RNGTT: variants seen among roughly 807,000 people sequenced by gnomAD.
RNGTT encodes RNA guanylyltransferase and 5'-phosphatase.
Under a neutral mutation model 79.3 loss-of-function variants are expected in RNGTT, and 33 were observed. The ratio of observed to expected loss-of-function variants is 0.42; its 90% CI spans 0.32 to 0.56. The LOEUF (loss-of-function observed/expected upper bound fraction) is 0.56, where lower values mean the gene tolerates loss of function less well. Ranked by LOEUF, RNGTT falls within the 20% of genes least tolerant of loss-of-function variation. RNGTT has a pLI of 0.17. For missense variants in RNGTT, 497 were observed against 739.1 expected, an observed-to-expected ratio of 0.67 and a Z score of 3.80; for synonymous variants, 222 against 235.9, an observed-to-expected ratio of 0.94 and a Z score of 0.54.
intron 11 of RNGTT, among the ~76,000 whole-genome samples, chr6:88,841,812 G>T (rs1212007220): frequency 2.0e-5 from 3 of 152,180 alleles, no homozygotes; most frequent in East Asian, 1.9e-4. Flanking sequence ...TTCACAAAAG[G>T]TGTAACATTC....
intron 2 of RNGTT, 148 bp downstream of exon 2, chr6:88,940,923 G>A (rs1784824565): frequency 1.9e-6 from 1 of 536,166 alleles, no homozygotes; most frequent in Non-Finnish European, 3.3e-6. Context: ...CTGGGAGAAG[G>A]GTTCACAGAA....
chr6:88,794,267 A>G (rs1779517996), intron 12 of RNGTT, among the ~76,000 whole-genome samples: 1 of 152,220 alleles, frequency 6.6e-6, no homozygotes. Flanking sequence ...TGGATTCTGG[A>G]CTTGGCAAAG....
At chr6:88,665,400 C>T (rs1357136721) in intron 14 of RNGTT, among the ~76,000 whole-genome samples, 3 of 152,104 alleles carry the variant, frequency 2.0e-5, no homozygotes, top group African/African-American at 2.4e-5. Flanking sequence ...AATTATAGTG[C>T]CTTGTCAGTC....
intron 11 of RNGTT, among the ~76,000 whole-genome samples, chr6:88,834,606 C>A (rs1046716097): frequency 4.6e-5 from 7 of 152,234 alleles, no homozygotes; most frequent in African/African-American, 9.6e-5. Context: ...TGCAAAAATT[C>A]TTTCTTCTCT....
rs565528540 is a variant in RNGTT at position 88,661,246 on chromosome 6, G to A, written c.1506+17107C>T. 7.9e-5 allele frequency among the ~76,000 whole-genome samples: 12 copies of A among 151,858 alleles called. 1 individual carries two copies. In the South Asian group the frequency reaches 2.1e-3, roughly 26 times the overall value. On this transcript the variant is annotated intron_variant, in intron 14 of 15. Coordinates refer to ENST00000369485, the MANE Select transcript of RNGTT (RefSeq NM_003800.5). ...GAGCACAAACAGACAATCTAAACTC[G>A]CACCCCAAGAAACTAGAGAAACAAC...
At chr6:88,860,457 C>T (rs2127912918) in intron 8 of RNGTT, among the ~76,000 whole-genome samples, 1 of 152,298 alleles carries the variant, frequency 6.6e-6, no homozygotes, top group African/African-American at 2.4e-5. Flanking sequence ...AAACTTTTAA[C>T]TTGAGTGACA....
At chr6:88,816,493 G>T (rs770519174) in intron 11 of RNGTT, among the ~76,000 whole-genome samples, 1 of 152,124 alleles carries the variant, frequency 6.6e-6, no homozygotes, top group Non-Finnish European at 1.5e-5. Context: ...TGAGAAAAAA[G>T]AATGAACAGA....
At chr6:88,702,684 T>C (rs541646162) in intron 13 of RNGTT, among the ~76,000 whole-genome samples, 3 of 152,138 alleles carry the variant, frequency 2.0e-5, no homozygotes, top group East Asian at 3.9e-4. Context: ...CAAAAGCAAT[T>C]GCAACAAAAA....
intron 14 of RNGTT, among the ~76,000 whole-genome samples, chr6:88,673,947 T>C (rs1341609520): frequency 6.6e-6 from 1 of 152,238 alleles, no homozygotes; most frequent in African/African-American, 2.4e-5. Flanking sequence ...CTGTCAGAAA[T>C]GTTCCTGCTG....
chr6:88,775,561 G>T (rs577318352), intron 12 of RNGTT, among the ~76,000 whole-genome samples: 7 of 152,236 alleles, frequency 4.6e-5, no homozygotes, highest in African/African-American at 1.2e-4. Context: ...ACAGAAGACG[G>T]TACAGTTAGA....
intron 14 of RNGTT, among the ~76,000 whole-genome samples, chr6:88,648,348 C>T (rs937494816): frequency 6.6e-6 from 1 of 151,982 alleles, no homozygotes; most frequent in Non-Finnish European, 1.5e-5. Flanking sequence ...ATTCTTATGG[C>T]AGTCTGCATT....
At chr6:88,958,786 G>T (rs9344892) in intron 1 of RNGTT, among the ~76,000 whole-genome samples, 41,147 of 152,094 alleles carry the variant, frequency 0.27, 6,733 homozygotes, top group African/African-American at 0.45. Context: ...ACAACCACTA[G>T]GGAAAACAGT....
intron 13 of RNGTT, among the ~76,000 whole-genome samples, chr6:88,726,368 A>G (rs1422671031): frequency 7.0e-6 from 1 of 141,884 alleles, no homozygotes; most frequent in Non-Finnish European, 1.5e-5. Flanking sequence ...ACACCACATC[A>G]GGTCAGAACT....
At chr6:88,612,909 T>C (rs1350859740) in intron 15 of RNGTT, 27 bp from the exon 16 acceptor site, 2 of 1,605,098 alleles carry the variant, frequency 1.2e-6, no homozygotes, top group Admixed American at 1.7e-5. Flanking sequence ...ACAGGTCTCA[T>C]GTGAGGGTTA....
chr6:88,698,025 T>TATATGATATATATATGAAATAC (rs1775757789), intron 13 of RNGTT, among the ~76,000 whole-genome samples: 1 of 98,296 alleles, frequency 1.0e-5, no homozygotes, highest in Non-Finnish European at 1.8e-5. Context: ...ATGAAATACA[T>TATATGATATATATATGAAATAC]ATATATGATA....
In RNGTT at chr6:88,939,805, C is replaced by A. The variant is rs182052921; in HGVS notation, c.174+1266G>T. The stretch of plus-strand genomic sequence containing the variant: ...AGACACGGTCACACTATCGCCCAGG[C>A]TGCAGTGGGTAATCATGGCTCACTA... On this transcript the variant is annotated intron_variant, in intron 2 of 15. Transcript: ENST00000369485. Among the ~76,000 whole-genome samples, 21 of 151,334 alleles carry A rather than the reference C, an allele frequency of 1.4e-4. No individual in the cohort carries two copies. The East Asian group carries it at 3.3e-3, about 24-fold the overall frequency.
chr6:88,798,737 GC>G (rs772349569), intron 12 of RNGTT, among the ~76,000 whole-genome samples: 15 of 152,180 alleles, frequency 9.9e-5, no homozygotes, highest in Non-Finnish European at 1.8e-4. Flanking sequence ...AGGTGTTAAA[GC>G]CCAAAACCTG....
At chr6:88,812,403 A>T (rs12200224) in intron 11 of RNGTT, among the ~76,000 whole-genome samples, 1 of 152,134 alleles carries the variant, frequency 6.6e-6, no homozygotes, top group Non-Finnish European at 1.5e-5. Context: ...AGTCAACCAC[A>T]TCCTCATGGA....
chr6:88,621,508 C>T (rs1772442391), intron 14 of RNGTT, among the ~76,000 whole-genome samples: 1 of 152,088 alleles, frequency 6.6e-6, no homozygotes, highest in Non-Finnish European at 1.5e-5. Flanking sequence ...TCCTTCCCCA[C>T]CTCCCCAAAA....
Sources: allele counts gnomAD v4.1 joint callset (sites outside exome capture counted in the v4.1 genomes callset), GRCh38; gene constraint gnomAD v4.1.1; transcripts MANE v1.5; gene names NCBI Gene and HGNC (gene_info 2026-07-23, HGNC 2026-07-21).